WDR7: variants seen among roughly 807,000 people sequenced by gnomAD.
WDR7 encodes the protein WD repeat-containing protein 7.
In WDR7, 46 loss-of-function variants were observed where a neutral mutation model predicts 169.4. The observed-to-expected ratio is 0.27, with a 90% CI of 0.21 to 0.35. The LOEUF (loss-of-function observed/expected upper bound fraction) is 0.35. Among genes scored for constraint, WDR7 ranks in the 10% least tolerant of loss-of-function variants. The probability of loss-of-function intolerance (pLI) is 1.00; values close to 1 mark genes in which losing one functional copy is unlikely to be tolerated. For missense variants in WDR7, 1,534 were observed against 1,859.3 expected, an observed-to-expected ratio of 0.83 and a Z score of 3.22; for synonymous variants, 612 against 666.8, an observed-to-expected ratio of 0.92 and a Z score of 1.27.
rs1403260026 is a variant in WDR7 at position 56,691,513 on chromosome 18, T to A, written c.863+152T>A. The A allele has an allele frequency of 6.4e-6, 7 of 1,100,488 alleles. No homozygotes were observed. In the African/African-American group the frequency reaches 1.1e-4, roughly 18 times the overall value. 68.2% of individuals were successfully genotyped at this position (1,100,488 alleles called of 1,614,324 possible). ...CTTAAGTTAGATTTTTAATTCCAAT[T>A]TAACTTCTAAGTGCAAAAATTAGGT... On this transcript the variant is annotated intron_variant, in intron 8 of 27. Transcript: ENST00000254442.
downstream of WDR7, chr18:57,032,825 A>ATATATATATG (rs2048449448): frequency 8.1e-6 from 1 of 123,798 alleles, no homozygotes; most frequent in African/African-American, 3.4e-5. Flanking sequence ...ATATATATAT[A>ATATATATATG]TATATATATA....
chr18:56,802,754 T>C (rs2044700350), intron 19 of WDR7, among the ~76,000 whole-genome samples: 1 of 152,138 alleles, frequency 6.6e-6, no homozygotes. Context: ...TCTCCCAGTC[T>C]GCGGGTTGTT....
At chr18:56,939,226 G>C in intron 24 of WDR7, 85 bp from the exon 25 acceptor site, 1 of 979,778 alleles carries the variant, frequency 1.0e-6, no homozygotes. Flanking sequence ...ACTTTCTATG[G>C]GCAAATGAGG....
chr18:56,928,026 G>A (rs73438799), intron 22 of WDR7, among the ~76,000 whole-genome samples: 9,997 of 152,202 alleles, frequency 0.066, 1,096 homozygotes, highest in African/African-American at 0.23. Flanking sequence ...TGAAGAGAGC[G>A]GGGGAAGGAC....
At chr18:56,805,879 T>C (rs972773840) in intron 19 of WDR7, among the ~76,000 whole-genome samples, 2 of 152,204 alleles carry the variant, frequency 1.3e-5, no homozygotes, top group African/African-American at 4.8e-5. Flanking sequence ...TAGCCTCAAA[T>C]GTTTTATTAG....
chr18:56,765,433 G>C (rs1321974796), intron 16 of WDR7, among the ~76,000 whole-genome samples: 1 of 151,628 alleles, frequency 6.6e-6, no homozygotes, highest in Non-Finnish European at 1.5e-5. Flanking sequence ...AGAGTCTGTA[G>C]TCTATGTCTT....
At chr18:56,737,866 T>C (rs558066002) in intron 14 of WDR7, among the ~76,000 whole-genome samples, 10 of 152,318 alleles carry the variant, frequency 6.6e-5, no homozygotes, top group Non-Finnish European at 8.8e-5. Context: ...TCTTATGATA[T>C]GTATGACCTT....
chr18:57,009,445 T>G (rs1201691401), intron 26 of WDR7, among the ~76,000 whole-genome samples: 2 of 152,210 alleles, frequency 1.3e-5, no homozygotes, highest in Non-Finnish European at 1.5e-5. Flanking sequence ...CATGACTAAA[T>G]AACTTGGTAT....
chr18:56,783,451 A>G (rs2044349678), intron 19 of WDR7, among the ~76,000 whole-genome samples: 1 of 152,166 alleles, frequency 6.6e-6, no homozygotes, highest in African/African-American at 2.4e-5. Flanking sequence ...ATTAAGGACA[A>G]ACTATGACTA....
At chr18:56,909,037 CAA>C (rs1188981803) in intron 21 of WDR7, among the ~76,000 whole-genome samples, 1 of 152,058 alleles carries the variant, frequency 6.6e-6, no homozygotes, top group Non-Finnish European at 1.5e-5. Context: ...TATAATATAT[CAA>C]GAGTCTACCC....
Position 56,693,567 on chromosome 18 carries a change from TTTTTTG to T in WDR7, c.967-1046_967-1041del, listed in dbSNP as rs1317716137. The stretch of plus-strand genomic sequence containing the variant: ...TGATAGTTCAATTTTGTTGGTTTTT[TTTTTTG>T]TTTTTTTTTTTTTTTTGAGATGGAG... On this transcript the variant is annotated intron_variant, in intron 9 of 27. Transcript: ENST00000254442. Among the ~76,000 whole-genome samples the T allele has an allele frequency of 1.5e-4, 8 of 53,708 alleles. 1 individual carries two copies. Among genetic ancestry groups the T allele is most frequent in the African/African-American group, 2.4e-4 (6 of 25,082 alleles). 35.2% of individuals were successfully genotyped at this position (53,708 alleles called of 152,430 possible).
intron 12 of WDR7, among the ~76,000 whole-genome samples, chr18:56,712,944 A>T (rs908772786): frequency 6.6e-6 from 1 of 152,148 alleles, no homozygotes; most frequent in Non-Finnish European, 1.5e-5. Flanking sequence ...TGCATACCAG[A>T]GGGACACGCA....
chr18:56,806,284 C>T (rs1248506931), intron 19 of WDR7, among the ~76,000 whole-genome samples: 1 of 152,154 alleles, frequency 6.6e-6, no homozygotes, highest in Non-Finnish European at 1.5e-5. Flanking sequence ...TTCCTCCTGC[C>T]TTCGCCATGC....
intron 1 of WDR7, among the ~76,000 whole-genome samples, chr18:56,658,161 T>C (rs1023596072): frequency 1.3e-5 from 2 of 152,184 alleles, no homozygotes; most frequent in Admixed American, 6.5e-5. Flanking sequence ...TAGAGTGCAG[T>C]GGTATGATCT....
intron 21 of WDR7, among the ~76,000 whole-genome samples, chr18:56,904,925 T>G (rs1215946023): frequency 1.3e-5 from 2 of 152,142 alleles, no homozygotes; most frequent in East Asian, 3.8e-4. Flanking sequence ...AGGGCAAATG[T>G]TCTCCAGGCA....
At chr18:56,712,444 T>G (rs1468429064) in intron 12 of WDR7, among the ~76,000 whole-genome samples, 1 of 152,230 alleles carries the variant, frequency 6.6e-6, no homozygotes, top group East Asian at 1.9e-4. Flanking sequence ...ATGATAATTA[T>G]TTGAAAAATA....
intron 1 of WDR7, among the ~76,000 whole-genome samples, chr18:56,671,839 A>G (rs1391004219): frequency 6.6e-6 from 1 of 152,212 alleles, no homozygotes; most frequent in African/African-American, 2.4e-5. Flanking sequence ...GAGTTTATAT[A>G]TGTACTTACA....
intron 19 of WDR7, among the ~76,000 whole-genome samples, chr18:56,794,036 A>G (rs960302396): frequency 6.6e-6 from 1 of 152,124 alleles, no homozygotes; most frequent in African/African-American, 2.4e-5. Context: ...CCAAATTACA[A>G]TTTTAGAGAC....
chr18:56,774,378 C>T (rs1005248523), intron 16 of WDR7, among the ~76,000 whole-genome samples: 4 of 152,022 alleles, frequency 2.6e-5, no homozygotes, highest in Non-Finnish European at 4.4e-5. Context: ...TTATCTTCAC[C>T]TGTCTTTTCT....
Sources: gnomAD v4.1 joint callset for allele counts (sites outside exome capture counted in the v4.1 genomes callset) on GRCh38, gnomAD v4.1.1 for gene constraint, MANE v1.5 for transcripts, NCBI Gene and HGNC (gene_info 2026-07-23, HGNC 2026-07-21) for gene names.